Variants in NLGN1 observed in about 807,000 individuals in gnomAD.
The protein encoded by NLGN1 is neuroligin-1.
A neutral mutation model predicts 65.5 loss-of-function variants in NLGN1; 12 were observed. That is an observed-to-expected ratio of 0.18 (90% confidence interval 0.12 to 0.30). The LOEUF is 0.30. Ranked by LOEUF, NLGN1 falls within the 10% of genes least tolerant of loss-of-function variation. NLGN1 has a pLI of 1.00. For synonymous variants in NLGN1, 350 were observed against 359.5 expected, an observed-to-expected ratio of 0.97 and a Z score of 0.30; for missense variants, 750 against 1,007.1, an observed-to-expected ratio of 0.74 and a Z score of 3.46.
At chr3:173,671,143 T>A (rs1292844556) in intron 3 of NLGN1, among the ~76,000 whole-genome samples, 1 of 152,178 alleles carries the variant, frequency 6.6e-6, no homozygotes, top group African/African-American at 2.4e-5. Context: ...ACTTTTTGCT[T>A]CCCTGGCAAA....
chr3:173,967,456 A>T (rs752971560), intron 4 of NLGN1, among the ~76,000 whole-genome samples: 1 of 152,144 alleles, frequency 6.6e-6, no homozygotes, highest in Non-Finnish European at 1.5e-5. Context: ...AACACAACTA[A>T]TATTTCTACT....
intron 4 of NLGN1, among the ~76,000 whole-genome samples, chr3:173,988,837 C>G (rs1353631067): frequency 6.6e-6 from 1 of 151,704 alleles, no homozygotes; most frequent in African/African-American, 2.4e-5. Context: ...TCTTTAATAC[C>G]ACTACTCTCT....
intron 1 of NLGN1, among the ~76,000 whole-genome samples, chr3:173,406,775 G>GAAT (rs1718784584): frequency 6.6e-6 from 1 of 151,712 alleles, no homozygotes; most frequent in South Asian, 2.1e-4. Context: ...ACTTTTTGAT[G>GAAT]AATAACAAGT....
At chr3:174,241,862 G>A (rs1021120310) in intron 4 of NLGN1, among the ~76,000 whole-genome samples, 1 of 151,986 alleles carries the variant, frequency 6.6e-6, no homozygotes, top group Non-Finnish European at 1.5e-5. Flanking sequence ...GTTTCACCGT[G>A]TTAGCCAGGA....
chr3:173,790,359 G>A (rs1712422055), intron 3 of NLGN1, among the ~76,000 whole-genome samples: 2 of 151,968 alleles, frequency 1.3e-5, no homozygotes, highest in African/African-American at 4.8e-5. Context: ...ATTAGATAGA[G>A]GATATTGGAC....
intron 2 of NLGN1, among the ~76,000 whole-genome samples, chr3:173,553,535 C>T (rs1464541185): frequency 6.6e-6 from 1 of 152,158 alleles, no homozygotes; most frequent in Admixed American, 6.5e-5. Context: ...CTGTCATGGG[C>T]TCTGTTGAAA....
chr3:173,807,802 A>G (rs1003698663), exon 4 of NLGN1: 12 of 1,613,736 alleles, frequency 7.4e-6, no homozygotes, highest in Non-Finnish European at 1.0e-5. Flanking sequence ...TGTGATCGTC[A>G]TCACAGTCAA....
Position 174,117,926 on chromosome 3 carries a change from A to T in NLGN1, c.647-157389A>T, listed in dbSNP as rs148517841. On this transcript the variant is annotated intron_variant, in intron 4 of 6. Coordinates refer to ENST00000457714, the Ensembl canonical transcript of NLGN1. The stretch of plus-strand genomic sequence containing the variant: ...CTCAAGTCGAATACTCTATTTCAGG[A>T]TCTGAACTAATCTGGCTTCAAAGAG... Among the ~76,000 whole-genome samples, 193 of 152,310 alleles carry T rather than the reference A, an allele frequency of 1.3e-3. 1 individual carries two copies. The highest frequency in any genetic ancestry group is 2.0e-3 in the Non-Finnish European group (138 of 68,016).
chr3:173,431,343 A>C (rs947943472), intron 1 of NLGN1, among the ~76,000 whole-genome samples: 6 of 152,046 alleles, frequency 3.9e-5, no homozygotes. Context: ...TTTCTTTAGG[A>C]ATAAGAGTAG....
At chr3:173,989,853 G>A (rs529671276) in intron 4 of NLGN1, among the ~76,000 whole-genome samples, 5 of 152,176 alleles carry the variant, frequency 3.3e-5, no homozygotes, top group Non-Finnish European at 4.4e-5. Flanking sequence ...GAGGGAAGGG[G>A]CCAAAAGCCT....
chr3:173,814,695 T>A (rs1174973344), intron 4 of NLGN1, among the ~76,000 whole-genome samples: 1 of 152,214 alleles, frequency 6.6e-6, no homozygotes, highest in African/African-American at 2.4e-5. Context: ...CTCTATAAAT[T>A]GAGCAATATT....
At chr3:173,656,948 G>A (rs1006572614) in intron 3 of NLGN1, among the ~76,000 whole-genome samples, 3 of 151,934 alleles carry the variant, frequency 2.0e-5, no homozygotes, top group Admixed American at 6.6e-5. Context: ...TCTCAAAGAC[G>A]AGGAAATCAT....
chr3:173,874,331 C>T (rs1022143101), intron 4 of NLGN1, among the ~76,000 whole-genome samples: 3 of 152,096 alleles, frequency 2.0e-5, no homozygotes, highest in Admixed American at 6.5e-5. Flanking sequence ...CTATGGATCC[C>T]TTCTCAAAGT....
chr3:173,717,316 T>C (rs1292372441), intron 3 of NLGN1, among the ~76,000 whole-genome samples: 2 of 152,226 alleles, frequency 1.3e-5, no homozygotes, highest in African/African-American at 4.8e-5. Flanking sequence ...TTTTTATTTT[T>C]AAGCTGTTAA....
At chr3:174,009,603 T>G (rs1725122919) in intron 4 of NLGN1, among the ~76,000 whole-genome samples, 1 of 152,152 alleles carries the variant, frequency 6.6e-6, no homozygotes, top group Non-Finnish European at 1.5e-5. Context: ...AAGCTCACAT[T>G]CTTAACCACA....
intron 2 of NLGN1, among the ~76,000 whole-genome samples, chr3:173,501,628 T>A (rs1051761022): frequency 3.3e-5 from 5 of 151,006 alleles, no homozygotes; most frequent in Non-Finnish European, 7.4e-5. Context: ...GAGGAAAATG[T>A]GAAGTGGCAG....
rs144927674 is a variant in NLGN1, at chr3:174,232,155, G to A, written c.647-43160G>A. Among the ~76,000 whole-genome samples the A allele has an allele frequency of 6.0e-3, 916 of 152,186 alleles. 21 individuals are homozygous for A. Among genetic ancestry groups the A allele is most frequent in the East Asian group, 0.03 (157 of 5,158 alleles). On this transcript the variant is annotated intron_variant, in intron 4 of 6. Coordinates refer to ENST00000457714, the Ensembl canonical transcript of NLGN1. ...AACGATGGGAGGTAGGGATGGGGCC[G>A]TTTTATAGGATTTGGGTAGGCAAAG...
intron 2 of NLGN1, among the ~76,000 whole-genome samples, chr3:173,525,710 C>G (rs549131167): frequency 6.6e-6 from 1 of 152,196 alleles, no homozygotes; most frequent in South Asian, 2.1e-4. Context: ...TGAGATCTTT[C>G]TATCTTTCTG....
At chr3:173,962,371 ACT>A (rs1713807617) in intron 4 of NLGN1, among the ~76,000 whole-genome samples, 1 of 151,852 alleles carries the variant, frequency 6.6e-6, no homozygotes, top group African/African-American at 2.4e-5. Context: ...AGGGAATTTT[ACT>A]CTCTCTTTTA....
Sources: gnomAD v4.1 joint callset for allele counts (sites outside exome capture counted in the v4.1 genomes callset) on GRCh38, gnomAD v4.1.1 for gene constraint, MANE v1.5 for transcripts, NCBI Gene and HGNC (gene_info 2026-07-23, HGNC 2026-07-21) for gene names.